Variants in PIK3R3 observed in about 807,000 individuals in gnomAD.
The protein encoded by PIK3R3 is phosphoinositide-3-kinase regulatory subunit 3.
PIK3R3 carries 64 observed loss-of-function variants against 62.9 expected under a neutral mutation model. The ratio of observed to expected loss-of-function variants is 1.02; its 90% CI spans 0.83 to 1.25. The LOEUF (loss-of-function observed/expected upper bound fraction) is 1.25, where lower values mean the gene tolerates loss of function less well. Ranked by LOEUF, PIK3R3 falls within the 50% of genes most tolerant of loss-of-function variation. PIK3R3 has a pLI of 0.00. For synonymous variants in PIK3R3, 165 were observed against 189.0 expected, an observed-to-expected ratio of 0.87 and a Z score of 1.04; for missense variants, 614 against 561.6, an observed-to-expected ratio of 1.09 and a Z score of -0.94.
chr1:46,140,332 A>G, the PIK3R3 span, among the ~76,000 whole-genome samples: 1 of 151,884 alleles, frequency 6.6e-6, no homozygotes, highest in Non-Finnish European at 1.5e-5. Context: ...TCTTTGACCT[A>G]TGCCAACCCC....
chr1:46,091,638 A>T (rs956116351), intron 1 of PIK3R3, among the ~76,000 whole-genome samples: 36 of 152,034 alleles, frequency 2.4e-4, no homozygotes, highest in Non-Finnish European at 4.6e-4. Context: ...AATAATCTCC[A>T]CTCTTCTGAA....
the PIK3R3 span, among the ~76,000 whole-genome samples, chr1:46,153,389 A>G: frequency 6.6e-6 from 1 of 152,200 alleles, no homozygotes; most frequent in Non-Finnish European, 1.5e-5. Flanking sequence ...TCATCTTGCC[A>G]GCATACTACT....
intron 1 of PIK3R3, among the ~76,000 whole-genome samples, chr1:46,119,862 C>T (rs969165715): frequency 2.0e-5 from 3 of 151,094 alleles, no homozygotes; most frequent in Admixed American, 1.3e-4. Flanking sequence ...AGCGCAGCCT[C>T]GACTTCCAGG....
intron 1 of PIK3R3, among the ~76,000 whole-genome samples, chr1:46,122,703 T>G (rs1654784173): frequency 6.6e-6 from 1 of 152,096 alleles, no homozygotes; most frequent in South Asian, 2.1e-4. Flanking sequence ...TCAAACACAA[T>G]TTTACTCAGA....
chr1:46,162,534 A>G, the PIK3R3 span, among the ~76,000 whole-genome samples: 1 of 152,190 alleles, frequency 6.6e-6, no homozygotes. Context: ...GTATAATATT[A>G]ATAATGTAAA....
chr1:46,090,600 T>C (rs1651537298), intron 1 of PIK3R3, among the ~76,000 whole-genome samples: 1 of 152,146 alleles, frequency 6.6e-6, no homozygotes, highest in Non-Finnish European at 1.5e-5. Flanking sequence ...CCCAAAGTAT[T>C]GGGATTACAG....
At chr1:46,153,062 A>C in the PIK3R3 span, among the ~76,000 whole-genome samples, 1 of 151,908 alleles carries the variant, frequency 6.6e-6, no homozygotes, top group African/African-American at 2.4e-5. Flanking sequence ...CCACGTGCAA[A>C]TTTTCCAATG....
At chr1:46,045,894 G>A (rs1467341614) in intron 9 of PIK3R3, 24 bp downstream of exon 9, 2 of 1,591,332 alleles carry the variant, frequency 1.3e-6, no homozygotes, top group Non-Finnish European at 1.7e-6. Context: ...ATTTCAAAAG[G>A]TTATATCCCC....
In PIK3R3 at chr1:46,127,581, A is replaced by C. The variant is rs779695504; in HGVS notation, c.106+4266T>G. Among the ~76,000 whole-genome samples, 2 of 152,170 alleles carry C rather than the reference A, an allele frequency of 1.3e-5. 1 individual carries two copies. The highest frequency in any genetic ancestry group is 4.1e-4 in the South Asian group (2 of 4,826). On this transcript the variant is annotated intron_variant, in intron 1 of 9. Transcript: ENST00000262741. ...AATCAGTTGTGTATAGGTAATCCTC[A>C]AAAGACCAAAGGTGACGCTCTTTGA...
the PIK3R3 span, among the ~76,000 whole-genome samples, chr1:46,164,453 TC>T: frequency 6.6e-6 from 1 of 152,048 alleles, no homozygotes; most frequent in African/African-American, 2.4e-5. Context: ...TCTCCTTGAC[TC>T]CCCACTGCCC....
chr1:46,059,175 C>G (rs1010821861), intron 6 of PIK3R3, among the ~76,000 whole-genome samples: 3 of 152,218 alleles, frequency 2.0e-5, no homozygotes, highest in African/African-American at 7.2e-5. Context: ...GCTCTTCCTT[C>G]CCTTCCACCA....
chr1:46,071,595 G>A (rs996595889), intron 3 of PIK3R3, among the ~76,000 whole-genome samples: 12 of 149,528 alleles, frequency 8.0e-5, no homozygotes, highest in Non-Finnish European at 1.3e-4. Flanking sequence ...TCAGGAGGCT[G>A]AGGCAGGAGA....
At chr1:46,155,001 G>A in the PIK3R3 span, among the ~76,000 whole-genome samples, 6 of 152,112 alleles carry the variant, frequency 3.9e-5, no homozygotes, top group East Asian at 1.2e-3. Context: ...TATGTTTTTT[G>A]TTCAATGCCT....
chr1:46,118,471 C>T (rs1571547988), intron 1 of PIK3R3, among the ~76,000 whole-genome samples: 1 of 151,782 alleles, frequency 6.6e-6, no homozygotes, highest in African/African-American at 2.4e-5. Context: ...TCATCTTATA[C>T]GAGTTTTAAA....
chr1:46,118,119 T>C (rs575392095), intron 1 of PIK3R3, among the ~76,000 whole-genome samples: 1 of 152,202 alleles, frequency 6.6e-6, no homozygotes, highest in East Asian at 1.9e-4. Context: ...TCAAAATATA[T>C]ATAAATAGCT....
upstream of PIK3R3, among the ~76,000 whole-genome samples, chr1:46,133,351 G>A (rs1442305288): frequency 6.6e-6 from 1 of 152,222 alleles, no homozygotes; most frequent in Non-Finnish European, 1.5e-5. Flanking sequence ...GTAAGGAGAG[G>A]AGCCAGGGAG....
intron 1 of PIK3R3, chr1:46,105,131 T>C: frequency 1.4e-6 from 1 of 704,142 alleles, no homozygotes; most frequent in Non-Finnish European, 2.6e-6. Context: ...ATGGAACCTG[T>C]CCCCTGATGG....
chr1:46,048,389 T>G (rs1647172964), intron 7 of PIK3R3: 1 of 152,218 alleles, frequency 6.6e-6, no homozygotes, highest in Admixed American at 6.5e-5. Context: ...GGATTTCATT[T>G]TTTATTCTTA....
At chr1:46,107,224 C>T (rs946340811) in intron 1 of PIK3R3, among the ~76,000 whole-genome samples, 17 of 152,010 alleles carry the variant, frequency 1.1e-4, no homozygotes, top group Non-Finnish European at 2.5e-4. Flanking sequence ...GTGGCAGGTG[C>T]CTGTAATCCC....
Sources: gnomAD v4.1 joint callset for allele counts (sites outside exome capture counted in the v4.1 genomes callset) on GRCh38, gnomAD v4.1.1 for gene constraint, MANE v1.5 for transcripts, NCBI Gene and HGNC (gene_info 2026-07-23, HGNC 2026-07-21) for gene names.